The following SEMA3C variants were observed in gnomAD, a reference collection of about 807,000 sequenced individuals.
SEMA3C encodes semaphorin 3C, also known as semaphorin-3C.
SEMA3C carries 47 observed loss-of-function variants against 89.4 expected under a neutral mutation model. The ratio of observed to expected loss-of-function variants is 0.53; its 90% CI spans 0.42 to 0.67. The LOEUF is 0.67. Ranked by LOEUF, SEMA3C falls within the 30% of genes least tolerant of loss-of-function variation. SEMA3C has a pLI of 0.00. For missense variants in SEMA3C, 839 were observed against 929.1 expected (o/e 0.90, Z 1.26); for synonymous variants, 310 against 320.2 (o/e 0.97, Z 0.34).
At chr7:80,876,694 T>G (rs1405556627) in intron 2 of SEMA3C, among the ~76,000 whole-genome samples, 13 of 152,246 alleles carry the variant, frequency 8.5e-5, no homozygotes. Context: ...CAAAATTACT[T>G]AAATCATTAA....
intron 15 of SEMA3C, among the ~76,000 whole-genome samples, chr7:80,754,690 AG>A (rs1398978407): frequency 2.6e-5 from 4 of 152,212 alleles, no homozygotes; most frequent in Admixed American, 6.5e-5. Flanking sequence ...GGGTAGGCTC[AG>A]GCATATTTTT....
chr7:80,908,286 C>T (rs951287143), intron 2 of SEMA3C, among the ~76,000 whole-genome samples: 1 of 152,148 alleles, frequency 6.6e-6, no homozygotes, highest in African/African-American at 2.4e-5. Context: ...AATCTTCAGA[C>T]CCGTTGTGTT....
At chr7:80,892,778 C>CA (rs1791646775) in intron 2 of SEMA3C, among the ~76,000 whole-genome samples, 1 of 152,098 alleles carries the variant, frequency 6.6e-6, no homozygotes, top group Non-Finnish European at 1.5e-5. Flanking sequence ...CCACTTTGAA[C>CA]AAAAAATTCC....
At chr7:80,774,289 G>T (rs573290260) in intron 12 of SEMA3C, among the ~76,000 whole-genome samples, 26 of 152,188 alleles carry the variant, frequency 1.7e-4, no homozygotes, top group South Asian at 6.2e-4. Flanking sequence ...TAATTTCCAG[G>T]ATTCAACAAC....
intron 10 of SEMA3C, 77 bp from the exon 11 acceptor site, chr7:80,798,313 T>A: frequency 8.3e-7 from 1 of 1,204,786 alleles, no homozygotes; most frequent in Non-Finnish European, 1.1e-6. Flanking sequence ...TGGTAAAATT[T>A]ATGATAAAAA....
chr7:80,773,657 A>C (rs1039302461), intron 12 of SEMA3C, among the ~76,000 whole-genome samples: 17 of 152,184 alleles, frequency 1.1e-4, no homozygotes, highest in African/African-American at 4.1e-4. Context: ...GTGTTTAAGC[A>C]TGGTGGTCCC....
intron 12 of SEMA3C, among the ~76,000 whole-genome samples, chr7:80,770,296 T>C (rs1788400332): frequency 1.3e-5 from 2 of 152,244 alleles, no homozygotes; most frequent in South Asian, 4.1e-4. Context: ...GCCATCTGCA[T>C]GCCCTTTCGT....
rs766716663 is a variant in SEMA3C at position 80,916,833 on chromosome 7, A to C, written c.-38-14T>G. The C allele has an allele frequency of 6.2e-7, 1 of 1,605,404 alleles. No individual in the cohort carries two copies. The highest frequency in any genetic ancestry group is 8.5e-7 in the Non-Finnish European group (1 of 1,176,548). On this transcript the variant is annotated splice_polypyrimidine_tract_variant and intron_variant, in intron 1 of 17. Coordinates refer to ENST00000265361, the MANE Select transcript of SEMA3C (RefSeq NM_006379.5). The stretch of plus-strand genomic sequence containing the variant: ...AAGGGAAAATACCTTTAAGAGAGAG[A>C]CAACATGTTTGTTATATCTCATTTC...
intron 15 of SEMA3C, among the ~76,000 whole-genome samples, chr7:80,751,750 C>T (rs1180408024): frequency 6.6e-6 from 1 of 152,136 alleles, no homozygotes; most frequent in Non-Finnish European, 1.5e-5. Context: ...CTTAAATAAA[C>T]ATACTTGTTT....
chr7:80,764,720 A>T (rs1788258319), intron 13 of SEMA3C, among the ~76,000 whole-genome samples: 1 of 152,186 alleles, frequency 6.6e-6, no homozygotes, highest in Admixed American at 6.5e-5. Flanking sequence ...AGAGAAAACA[A>T]AGTCGTTTTT....
chr7:80,886,147 T>G (rs1385015457), intron 2 of SEMA3C, among the ~76,000 whole-genome samples: 1 of 152,138 alleles, frequency 6.6e-6, no homozygotes, highest in Non-Finnish European at 1.5e-5. Context: ...AGATTCTATC[T>G]AATAGAAAAG....
At chr7:80,862,904 A>C (rs1323920302) in intron 2 of SEMA3C, among the ~76,000 whole-genome samples, 1 of 152,148 alleles carries the variant, frequency 6.6e-6, no homozygotes, top group Non-Finnish European at 1.5e-5. Context: ...AGGAGAATGA[A>C]ACTGGATCCT....
At chr7:80,916,470 G>A (rs1224547208) in intron 2 of SEMA3C, among the ~76,000 whole-genome samples, 1 of 152,108 alleles carries the variant, frequency 6.6e-6, no homozygotes, top group Non-Finnish European at 1.5e-5. Context: ...TATATTATAA[G>A]CATTTTCATA....
chr7:80,809,700 C>T (rs1789421982), intron 6 of SEMA3C, among the ~76,000 whole-genome samples: 1 of 152,076 alleles, frequency 6.6e-6, no homozygotes, highest in Non-Finnish European at 1.5e-5. Context: ...ATGGAAGCAA[C>T]CTAAGTGTTC....
chr7:80,758,122 G>C (rs1189637826), intron 15 of SEMA3C, among the ~76,000 whole-genome samples: 1 of 152,146 alleles, frequency 6.6e-6, no homozygotes, highest in Non-Finnish European at 1.5e-5. Flanking sequence ...CCAAAGTACT[G>C]TACTCTGGAT....
chr7:80,747,335 T>C (rs1210157172), intron 17 of SEMA3C, among the ~76,000 whole-genome samples: 1 of 152,146 alleles, frequency 6.6e-6, no homozygotes, highest in Non-Finnish European at 1.5e-5. Flanking sequence ...ATGGCAGATA[T>C]TCAAACATAT....
At chr7:80,746,260 T>C (rs1239022928) in intron 17 of SEMA3C, among the ~76,000 whole-genome samples, 1 of 152,078 alleles carries the variant, frequency 6.6e-6, no homozygotes, top group Non-Finnish European at 1.5e-5. Flanking sequence ...AAAGATGAAT[T>C]GGTTTGTGCA....
intron 2 of SEMA3C, among the ~76,000 whole-genome samples, chr7:80,862,455 T>C (rs913918215): frequency 6.6e-6 from 1 of 152,048 alleles, no homozygotes; most frequent in Non-Finnish European, 1.5e-5. Context: ...CACCAACAAA[T>C]GGAAACACAT....
At chr7:80,796,968 A>T (rs956116698) in intron 11 of SEMA3C, among the ~76,000 whole-genome samples, 5 of 152,158 alleles carry the variant, frequency 3.3e-5, no homozygotes, top group Non-Finnish European at 4.4e-5. Flanking sequence ...TTGCAAATAA[A>T]CTCTAATAAG....
Sources: allele counts gnomAD v4.1 joint callset (sites outside exome capture counted in the v4.1 genomes callset), GRCh38; gene constraint gnomAD v4.1.1; transcripts MANE v1.5; gene names NCBI Gene and HGNC (gene_info 2026-07-23, HGNC 2026-07-21).